The following FSIP2 variants were observed in gnomAD, a reference collection of about 807,000 sequenced individuals.
FSIP2 encodes the protein fibrous sheath-interacting protein 2.
FSIP2 carries 367 observed loss-of-function variants against 510.5 expected under a neutral mutation model. That is an observed-to-expected ratio of 0.72 (90% CI 0.66 to 0.78). The LOEUF (loss-of-function observed/expected upper bound fraction) is 0.78, where lower values mean the gene tolerates loss of function less well. FSIP2 is among the 30% of genes least tolerant of loss of function. The pLI is 0.00. For synonymous variants in FSIP2, 2,601 were observed against 2,732.2 expected, an observed-to-expected ratio of 0.95 and a Z score of 1.50; for missense variants, 7,594 against 7,901.7, an observed-to-expected ratio of 0.96 and a Z score of 1.48.
chr2:185,739,601 C>A, intron 2 of FSIP2, 130 bp downstream of exon 2: 1 of 796,310 alleles, frequency 1.3e-6, no homozygotes, highest in Non-Finnish European at 1.8e-6. Context: ...AATCCCACAT[C>A]TGACCGAAGG....
chr2:185,764,807 T>C (rs1692429834), intron 13 of FSIP2: 1 of 402,144 alleles, frequency 2.5e-6, no homozygotes, highest in African/African-American at 2.1e-5. Context: ...GGAAAGAGAA[T>C]GCATAGACCT....
chr2:185,815,338 A>G (rs1473336029), intron 18 of FSIP2, 33 bp from the exon 19 acceptor site: 3 of 932,014 alleles, frequency 3.2e-6, no homozygotes, highest in Non-Finnish European at 5.1e-6. Flanking sequence ...CCCAAACTCC[A>G]TTTAGTGTAA....
intron 7 of FSIP2, among the ~76,000 whole-genome samples, chr2:185,752,468 T>C (rs532993672): frequency 2.6e-5 from 4 of 151,470 alleles, no homozygotes; most frequent in African/African-American, 9.6e-5. Flanking sequence ...TTTACGGTTT[T>C]CATCAAATTT....
chr2:185,776,904 A>C (rs1269705963), intron 13 of FSIP2, among the ~76,000 whole-genome samples: 2 of 151,980 alleles, frequency 1.3e-5, no homozygotes, highest in Non-Finnish European at 2.9e-5. Flanking sequence ...TTGTATTTTT[A>C]GTAGAGACCA....
chr2:185,807,548 T>C lies in FSIP2; in HGVS notation c.18242T>C (p.Ile6081Thr), dbSNP rs1439072410. 2.5e-6 allele frequency: 4 copies of C among 1,611,550 alleles called. No homozygotes were observed. The highest frequency in any genetic ancestry group is 3.4e-6 in the Non-Finnish European group (4 of 1,178,700). ...ETLQSDDDEI[I>T]QLVVQSVYNN... is the part of the protein sequence containing the mutation. ...TTACAATCTGATGATGATGAAATTA[T>C]TCAATTAGTGGTTCAGTCTGTTTAT... Residue 6081 changes from isoleucine to threonine, a missense_variant, in exon 17 of 23, where the codon ATT becomes ACT. By Grantham distance (89) the Ile-to-Thr change is moderately conservative (BLOSUM62 -1). Coordinates refer to ENST00000424728, the MANE Select transcript of FSIP2 (RefSeq NM_173651.4).
At chr2:185,767,184 G>A (rs1692505491) in intron 13 of FSIP2, among the ~76,000 whole-genome samples, 1 of 148,900 alleles carries the variant, frequency 6.7e-6, no homozygotes, top group African/African-American at 2.5e-5. Context: ...GGGGGCAGGG[G>A]GGAGGGATAG....
intron 8 of FSIP2, among the ~76,000 whole-genome samples, chr2:185,754,668 C>T (rs960549773): frequency 3.3e-5 from 5 of 151,610 alleles, no homozygotes; most frequent in African/African-American, 9.7e-5. Flanking sequence ...CTTCAGCAAG[C>T]ATTTATCAGC....
chr2:185,828,676 A>T (rs1694056371), intron 21 of FSIP2, among the ~76,000 whole-genome samples: 1 of 151,810 alleles, frequency 6.6e-6, no homozygotes, highest in Non-Finnish European at 1.5e-5. Context: ...TTACTTCTTT[A>T]CCGGCAGCTT....
chr2:185,807,174 A>C lies in FSIP2; in HGVS notation c.17868A>C (p.Glu5956Asp). ...GACTAACTAGTGCAGTGATAAATGA[A>C]ATTTTCCAACGTCAGGTTAACTTGA... ...ARRLTSAVINEIFQRQVNLIF... is the reference protein window; with the variant it reads ...ARRLTSAVINDIFQRQVNLIF... Residue 5956 changes from glutamate (E) to aspartate (D), a missense_variant, in exon 17 of 23, where the codon GAA becomes GAC. By Grantham distance (45) the Glu-to-Asp change is conservative. Coordinates refer to ENST00000424728, the MANE Select transcript of FSIP2 (RefSeq NM_173651.4). 1 of 1,601,712 alleles carries C rather than the reference A, an allele frequency of 6.2e-7. No homozygotes were observed. Among genetic ancestry groups the C allele is most frequent in the Admixed American group, 1.7e-5 (1 of 57,328 alleles).
At position 185,791,221 on chromosome 2, in the gene FSIP2, A is replaced by G. The variant is rs1693115203; in HGVS notation, c.4085A>G (p.Tyr1362Cys). 1 of 1,533,882 alleles carries G rather than the reference A, an allele frequency of 6.5e-7. No homozygotes were observed. Among genetic ancestry groups the G allele is most frequent in the East Asian group, 2.4e-5 (1 of 40,848 alleles). Reference protein sequence around the residue: ...ILASPLLTCIYDMLLSSENAH... With the variant: ...ILASPLLTCICDMLLSSENAH... ...GCGAGTCCATTATTAACCTGTATTT[A>G]TGATATGTTGTTATCAAGTGAAAAT... Residue 1362 changes from tyrosine to cysteine, a missense_variant, in exon 16 of 23, where the codon TAT becomes TGT. Transcript: ENST00000424728.
chr2:185,824,815 T>C (rs1202691431), intron 20 of FSIP2, among the ~76,000 whole-genome samples: 1 of 151,828 alleles, frequency 6.6e-6, no homozygotes, highest in East Asian at 1.9e-4. Flanking sequence ...TAGGATTTAA[T>C]TATTTCTTTG....
Position 185,809,031 on chromosome 2 carries a change from T to C in FSIP2, c.19725T>C (p.Ser6575=), listed in dbSNP as rs769668984. ...CAGAACTGAGAAGAGCATCAATAAGTGGGAGAAATTACTCCTTAGGATCAC... is the reference window on the plus strand; with the variant it reads ...CAGAACTGAGAAGAGCATCAATAAGCGGGAGAAATTACTCCTTAGGATCAC... ...SIAELRRASI[S]GRNYSLGSPD... is the part of the protein sequence containing the mutation. Residue 6575 remains serine, a synonymous_variant, in exon 17 of 23, where the codon AGT becomes AGC. Transcript: ENST00000424728. 6.2e-7 allele frequency: 1 copy of C among 1,612,558 alleles called. No individual in the cohort carries two copies. Among genetic ancestry groups the C allele is most frequent in the South Asian group, 1.1e-5 (1 of 90,926 alleles).
At chr2:185,771,978 T>A (rs1274888109) in intron 13 of FSIP2, among the ~76,000 whole-genome samples, 1 of 152,228 alleles carries the variant, frequency 6.6e-6, no homozygotes, top group African/African-American at 2.4e-5. Flanking sequence ...TGCCAAATAC[T>A]GTAAGACATC....
chr2:185,766,928 A>T (rs1692497937), intron 13 of FSIP2, among the ~76,000 whole-genome samples: 6 of 116,020 alleles, frequency 5.2e-5, no homozygotes, highest in Admixed American at 8.8e-5. Context: ...CAAATGTCCA[A>T]CAATGATAGA....
At position 185,803,366 on chromosome 2, in the gene FSIP2, C is replaced by G; in HGVS notation, c.14060C>G (p.Pro4687Arg). Reference protein sequence around the residue: ...IDNTEERLCLPPVERDVVKTI... With the variant: ...IDNTEERLCLRPVERDVVKTI... ...AATACTGAGGAAAGACTGTGTTTACCTCCAGTGGAGAGGGATGTAGTCAAA... is the reference window on the plus strand; with the variant it reads ...AATACTGAGGAAAGACTGTGTTTACGTCCAGTGGAGAGGGATGTAGTCAAA... The change falls in exon 17 of 23, where the codon CCT (proline) becomes CGT (arginine). Residue 4687 changes from proline (P) to arginine (R), a missense_variant. Coordinates refer to ENST00000424728, the MANE Select transcript of FSIP2 (RefSeq NM_173651.4). 1 of 1,533,176 alleles carries G rather than the reference C, an allele frequency of 6.5e-7. No individual in the cohort carries two copies. The highest frequency in any genetic ancestry group is 8.7e-7 in the Non-Finnish European group (1 of 1,144,904). The allele number at this position is 1,533,176 out of a possible 1,614,324, so 95.0% of individuals were successfully genotyped here.
At position 185,804,703 on chromosome 2, in the gene FSIP2, A is replaced by G. The variant is rs1407141770; in HGVS notation, c.15397A>G (p.Thr5133Ala). 1 of 1,531,058 alleles carries G rather than the reference A, an allele frequency of 6.5e-7. No individual in the cohort carries two copies. The highest frequency in any genetic ancestry group is 8.7e-7 in the Non-Finnish European group (1 of 1,144,448). The allele number at this position is 1,531,058 out of a possible 1,614,324, so 94.8% of individuals were successfully genotyped here. The change falls in exon 17 of 23, where the codon ACT becomes GCT. Residue 5133 changes from threonine (T) to alanine (A), a missense_variant. Physicochemically the swap from Thr to Ala is moderately conservative, Grantham distance 58. Transcript: ENST00000424728. ...GCTTCTAGGGCATGTCTTCCCTTCA[A>G]CTCACACTGAAAATGAACTAAAAGA... ...YRLLGHVFPS[T>A]HTENELKEKK...
rs1693175007 is a variant in FSIP2 at position 185,793,016 on chromosome 2, A to G, written c.5880A>G (p.Thr1960=). ...TACCTATTCAGCAAGATCACAGTAC[A>G]TTGAGCAAAGCATTATCAGCCAAAG... The part of the protein sequence containing the change: ...VALPIQQDHS[T]LSKALSAKDS... The change falls in exon 16 of 23, where the codon ACA becomes ACG. Residue 1960 remains threonine (T), a synonymous_variant. Transcript: ENST00000424728. 7 of 1,534,428 alleles carry G rather than the reference A, an allele frequency of 4.6e-6. No homozygotes were observed. Among genetic ancestry groups the G allele is most frequent in the Non-Finnish European group, 6.1e-6 (7 of 1,145,656 alleles).
Position 185,803,982 on chromosome 2 carries a change from T to C in FSIP2, c.14676T>C (p.Val4892=). The change falls in exon 17 of 23, where the codon GTT becomes GTC. Residue 4892 remains valine (V), a synonymous_variant. Transcript: ENST00000424728. ...KDKKSISDIP[V]SKIASFIIKE... ...AAAAGAGCATAAGTGACATACCTGT[T>C]TCAAAAATAGCGAGTTTTATAATAA... 1 of 1,497,442 alleles carries C rather than the reference T, an allele frequency of 6.7e-7. No homozygotes were observed. Among genetic ancestry groups the C allele is most frequent in the South Asian group, 1.3e-5 (1 of 78,840 alleles). 92.8% of individuals were successfully genotyped at this position (1,497,442 alleles called of 1,614,324 possible).
chr2:185,813,735 C>T lies in FSIP2; in HGVS notation c.20018C>T (p.Thr6673Ile). The T allele has an allele frequency of 1.2e-6, 2 of 1,612,188 alleles. No homozygotes were observed. The highest frequency in any genetic ancestry group is 1.7e-6 in the Non-Finnish European group (2 of 1,179,142). ...GAAGATGAAGTTGTTTTAACACAGA[C>T]TTTTGCAAAAGAAGAAGGCATCAAA... ...SDEDEVVLTQ[T>I]FAKEEGIKVF... The change falls in exon 18 of 23, where the codon ACT becomes ATT. Residue 6673 changes from threonine (T) to isoleucine (I), a missense_variant. Transcript: ENST00000424728.
Sources: allele counts gnomAD v4.1 joint callset (sites outside exome capture counted in the v4.1 genomes callset), GRCh38; gene constraint gnomAD v4.1.1; transcripts MANE v1.5; gene names NCBI Gene and HGNC (gene_info 2026-07-23, HGNC 2026-07-21).